The following EXOC6 variants were observed in gnomAD, a reference collection of about 807,000 sequenced individuals.
EXOC6 encodes exocyst complex component 6.
In EXOC6, 60 loss-of-function variants were observed where a neutral mutation model predicts 112.5. That is an observed-to-expected ratio of 0.53 (90% CI 0.43 to 0.66). The LOEUF (loss-of-function observed/expected upper bound fraction) is 0.66. Among genes scored for constraint, EXOC6 ranks in the 30% least tolerant of loss-of-function variants. The pLI is 0.00. For synonymous variants in EXOC6, 295 were observed against 308.0 expected (o/e 0.96, Z 0.44); for missense variants, 855 against 957.1 (o/e 0.89, Z 1.41).
intron 1 of EXOC6, among the ~76,000 whole-genome samples, chr10:92,828,196 T>C (rs1564754691): frequency 6.6e-6 from 1 of 152,244 alleles, no homozygotes; most frequent in Non-Finnish European, 1.5e-5. Flanking sequence ...TACCAATCTT[T>C]ACGTCTTTTA....
chr10:93,045,077 T>A (rs544946726), intron 20 of EXOC6, among the ~76,000 whole-genome samples: 1 of 152,332 alleles, frequency 6.6e-6, no homozygotes, highest in Non-Finnish European at 1.5e-5. Context: ...TTCGCCATGT[T>A]GGCCAGGCTA....
rs187476640 is a variant in EXOC6 at position 92,898,343 on chromosome 10, T to C, written c.413-1256T>C. The stretch of plus-strand genomic sequence containing the variant: ...TACTGGGGAGGCTGAGGTGAGAGAA[T>C]TACTTGAGCCCAAGAGGTTGAGGCT... On this transcript the variant is annotated intron_variant, in intron 4 of 21. Transcript: ENST00000260762. 2.1e-3 allele frequency among the ~76,000 whole-genome samples: 313 copies of C among 151,390 alleles called. 2 individuals carry two copies. Among genetic ancestry groups the C allele is most frequent in the African/African-American group, 7.2e-3 (297 of 41,218 alleles).
chr10:92,844,944 C>G (rs1846994612), upstream of EXOC6, among the ~76,000 whole-genome samples: 1 of 152,164 alleles, frequency 6.6e-6, no homozygotes, highest in Non-Finnish European at 1.5e-5. Context: ...CAACCTCATT[C>G]TGAGGGAGGC....
At chr10:92,883,721 T>C (rs1470335526) in intron 1 of EXOC6, among the ~76,000 whole-genome samples, 1 of 152,152 alleles carries the variant, frequency 6.6e-6, no homozygotes, top group Non-Finnish European at 1.5e-5. Flanking sequence ...CAATTTTTTA[T>C]TGATAGAAAT....
At chr10:92,846,506 G>A (rs1273781184), upstream of EXOC6, among the ~76,000 whole-genome samples, 1 of 151,984 alleles carries the variant, frequency 6.6e-6, no homozygotes, top group South Asian at 2.1e-4. Flanking sequence ...TTCTTGAGAG[G>A]GGAAAATAAC....
chr10:92,835,732 T>A (rs1470811782), intron 1 of EXOC6, among the ~76,000 whole-genome samples: 1 of 152,212 alleles, frequency 6.6e-6, no homozygotes, highest in Non-Finnish European at 1.5e-5. Context: ...ATAGTTTGAA[T>A]ATCTTCAAAG....
rs767494991 is a variant in EXOC6 at position 92,952,295 on chromosome 10, C to T, written c.1439C>T (p.Pro480Leu). Residue 480 changes from proline to leucine, a missense_variant, in exon 15 of 22, where the codon CCC becomes CTC. Physicochemically the swap from Pro to Leu is moderately conservative, Grantham distance 98 (BLOSUM62 -3). Around this residue, in one of 2 missense-constraint regions of EXOC6, gnomAD observed 450 missense variants for 563.5 expected, o/e 0.80. Transcript: ENST00000260762. ...CAGCAGTCTTTCCCAAAGAAATTCC[C>T]CATGTCTCAGTCAGTGCCTCATATT... Reference protein sequence around the residue: ...LEKQSFPKKFPMSQSVPHIYI... With the variant: ...LEKQSFPKKFLMSQSVPHIYI... The T allele has an allele frequency of 1.2e-6, 2 of 1,608,796 alleles. No homozygotes were observed. The highest frequency in any genetic ancestry group is 2.2e-5 in the East Asian group (1 of 44,782).
chr10:92,877,693 G>T (rs1349207597), intron 1 of EXOC6, among the ~76,000 whole-genome samples: 2 of 152,158 alleles, frequency 1.3e-5, no homozygotes, highest in African/African-American at 4.8e-5. Flanking sequence ...AGTGATGGGA[G>T]TTGGGATCAG....
intron 19 of EXOC6, among the ~76,000 whole-genome samples, chr10:93,004,204 A>C (rs191784757): frequency 1.3e-5 from 2 of 152,324 alleles, no homozygotes; most frequent in East Asian, 3.9e-4. Context: ...GAATGAGTAA[A>C]GGTACAATTT....
intron 19 of EXOC6, among the ~76,000 whole-genome samples, chr10:93,003,061 A>G (rs957175162): frequency 2.6e-5 from 4 of 152,200 alleles, no homozygotes; most frequent in Non-Finnish European, 5.9e-5. Flanking sequence ...AAGATGCTTA[A>G]ATCATAAAAT....
upstream of EXOC6, among the ~76,000 whole-genome samples, chr10:92,847,474 G>A (rs1847093089): frequency 6.6e-6 from 1 of 152,206 alleles, no homozygotes; most frequent in African/African-American, 2.4e-5. Context: ...CTAAGGGTGA[G>A]TGAGTTACAC....
At chr10:92,847,353 T>G (rs762917012), upstream of EXOC6, among the ~76,000 whole-genome samples, 2 of 152,202 alleles carry the variant, frequency 1.3e-5, no homozygotes, top group Non-Finnish European at 2.9e-5. Flanking sequence ...ATCCAAGAAT[T>G]AATGTCTTCG....
At chr10:92,942,638 A>T (rs1047995987) in intron 13 of EXOC6, among the ~76,000 whole-genome samples, 2 of 152,198 alleles carry the variant, frequency 1.3e-5, no homozygotes, top group African/African-American at 4.8e-5. Context: ...TCTAGAACAT[A>T]TATGCTATGA....
At chr10:93,009,328 A>G (rs527880960) in intron 19 of EXOC6, among the ~76,000 whole-genome samples, 160 of 152,368 alleles carry the variant, frequency 1.1e-3, no homozygotes, top group Non-Finnish European at 2.0e-3. Flanking sequence ...GCTACATAAT[A>G]TATCACTATC....
intron 18 of EXOC6, among the ~76,000 whole-genome samples, chr10:92,990,975 G>C (rs536408790): frequency 2.0e-5 from 3 of 152,228 alleles, no homozygotes; most frequent in South Asian, 2.1e-4. Flanking sequence ...CCTACTTTGT[G>C]CTATCTTTTT....
chr10:92,898,060 G>A (rs1053816545), intron 4 of EXOC6, among the ~76,000 whole-genome samples: 8 of 152,066 alleles, frequency 5.3e-5, no homozygotes, highest in African/African-American at 1.9e-4. Context: ...ATAAAGACAC[G>A]TAAGTCATCA....
chr10:93,004,428 A>G (rs956644099), intron 19 of EXOC6, among the ~76,000 whole-genome samples: 8 of 152,218 alleles, frequency 5.3e-5, no homozygotes, highest in Non-Finnish European at 1.0e-4. Context: ...GTTAAGACCC[A>G]GCTGATACTG....
intron 5 of EXOC6, among the ~76,000 whole-genome samples, chr10:92,907,439 G>C (rs995468120): frequency 1.3e-5 from 2 of 152,196 alleles, no homozygotes; most frequent in African/African-American, 4.8e-5. Context: ...TCTTGCCTCT[G>C]ATGATGTCTC....
At chr10:92,842,929 T>C (rs1271294635) in intron 1 of EXOC6, among the ~76,000 whole-genome samples, 1 of 152,150 alleles carries the variant, frequency 6.6e-6, no homozygotes, top group Non-Finnish European at 1.5e-5. Context: ...AAGATGGTGA[T>C]GACAGGGTAT....
Sources: gnomAD v4.1 joint callset for allele counts (sites outside exome capture counted in the v4.1 genomes callset) on GRCh38, gnomAD v4.1.1 for gene constraint, gnomAD v4.1.1 regional missense constraint, MANE v1.5 for transcripts, NCBI Gene and HGNC (gene_info 2026-07-23, HGNC 2026-07-21) for gene names.